Variants in TMEM178A observed in about 807,000 individuals in gnomAD.
TMEM178A encodes the protein transmembrane protein 178A.
A neutral mutation model predicts 29.1 loss-of-function variants in TMEM178A; 12 were observed. The ratio of observed to expected loss-of-function variants is 0.41; its 90% CI spans 0.26 to 0.67. The LOEUF (loss-of-function observed/expected upper bound fraction) is 0.67, where lower values mean the gene tolerates loss of function less well. Among genes scored for constraint, TMEM178A ranks in the 30% least tolerant of loss-of-function variants. TMEM178A has a pLI of 0.29. For synonymous variants in TMEM178A, 210 were observed against 187.2 expected (o/e 1.12, Z -0.99); for missense variants, 366 against 419.1 (o/e 0.87, Z 1.11).
At chr2:39,708,664 G>T (rs557768310) in intron 3 of TMEM178A, among the ~76,000 whole-genome samples, 2 of 151,780 alleles carry the variant, frequency 1.3e-5, no homozygotes, top group East Asian at 1.9e-4. Context: ...TGATCCGCCC[G>T]CCTCGGCCTC....
At chr2:39,729,200 C>T in the TMEM178A span, among the ~76,000 whole-genome samples, 1 of 151,996 alleles carries the variant, frequency 6.6e-6, no homozygotes, top group Non-Finnish European at 1.5e-5. Context: ...AGATTCACTG[C>T]CACCCCTGCC....
At chr2:39,715,972 GTC>G (rs1202969813) in intron 3 of TMEM178A, among the ~76,000 whole-genome samples, 7 of 152,298 alleles carry the variant, frequency 4.6e-5, no homozygotes, top group Non-Finnish European at 8.8e-5. Context: ...CAAAATCTGT[GTC>G]TCTGTTTCCA....
intron 1 of TMEM178A, among the ~76,000 whole-genome samples, chr2:39,680,863 G>T (rs965860823): frequency 6.6e-6 from 1 of 151,972 alleles, no homozygotes; most frequent in Non-Finnish European, 1.5e-5. Context: ...CTATAATTGT[G>T]CTTCATTTTA....
downstream of TMEM178A, among the ~76,000 whole-genome samples, chr2:39,718,749 GT>G (rs540083151): frequency 6.4e-3 from 970 of 151,966 alleles, 14 homozygotes; most frequent in African/African-American, 0.022. Context: ...CTTCCGTTGT[GT>G]TTGCTTATCT....
rs555039426 is a variant in TMEM178A, at chr2:39,700,826, T to G, written c.401-3255T>G. Among the ~76,000 whole-genome samples, 30 of 152,118 alleles carry G rather than the reference T, an allele frequency of 2.0e-4. No homozygotes were observed. The East Asian group carries it at 2.7e-3, about 14-fold the overall frequency. ...ATTCTTTTTGTTGTTATTGTTTCAT[T>G]TACTACATATTTTTTTTTTGTTATT... On this transcript the variant is annotated intron_variant, in intron 1 of 3. Transcript: ENST00000281961.
chr2:39,666,651 C>T (rs1670176664), intron 1 of TMEM178A, among the ~76,000 whole-genome samples: 2 of 152,196 alleles, frequency 1.3e-5, no homozygotes, highest in Admixed American at 1.3e-4. Context: ...TTCTTTCCTG[C>T]CTTCGCCTCC....
At chr2:39,687,186 C>T (rs1037249920) in intron 1 of TMEM178A, 6 of 163,894 alleles carry the variant, frequency 3.7e-5, no homozygotes, top group Admixed American at 6.5e-5. Flanking sequence ...TTCATGCTGT[C>T]GTCAGAACTG....
At chr2:39,693,972 T>C (rs1671433619) in intron 1 of TMEM178A, among the ~76,000 whole-genome samples, 1 of 151,566 alleles carries the variant, frequency 6.6e-6, no homozygotes, top group South Asian at 2.1e-4. Context: ...CCACCTTTTT[T>C]TTTTTTTTTA....
At chr2:39,698,712 T>G (rs1671659289) in intron 1 of TMEM178A, among the ~76,000 whole-genome samples, 1 of 149,444 alleles carries the variant, frequency 6.7e-6, no homozygotes. Context: ...TTTTTTTTTG[T>G]TTTGAAGAGT....
the TMEM178A span, among the ~76,000 whole-genome samples, chr2:39,735,853 A>G: frequency 6.6e-6 from 1 of 152,234 alleles, no homozygotes; most frequent in Non-Finnish European, 1.5e-5. Context: ...CACAAATGCC[A>G]TAGCTTGCAC....
At chr2:39,668,678 C>T (rs369602318) in intron 1 of TMEM178A, among the ~76,000 whole-genome samples, 6 of 152,276 alleles carry the variant, frequency 3.9e-5, no homozygotes, top group African/African-American at 1.2e-4. Flanking sequence ...AAAGAACAGG[C>T]ATTGGTAGAT....
downstream of TMEM178A, among the ~76,000 whole-genome samples, chr2:39,718,975 C>A (rs1672646875): frequency 6.6e-6 from 1 of 152,192 alleles, no homozygotes; most frequent in Admixed American, 6.5e-5. Context: ...AAATGATCAT[C>A]TACTCCCAAA....
chr2:39,700,133 A>C lies in TMEM178A; in HGVS notation c.401-3948A>C, dbSNP rs532623208. On this transcript the variant is annotated intron_variant, in intron 1 of 3. Coordinates refer to ENST00000281961, the MANE Select transcript of TMEM178A (RefSeq NM_152390.3). The stretch of plus-strand genomic sequence containing the variant: ...TGTGTATTTTGCTGTTGTTGGATGG[A>C]GTGTTCATAGATGTCTCTTGTATCT... Among the ~76,000 whole-genome samples the C allele has an allele frequency of 2.0e-5, 3 of 152,184 alleles. No individual in the cohort carries two copies. The East Asian group carries it at 5.8e-4, about 29-fold the overall frequency.
chr2:39,688,953 G>A (rs185703190), intron 1 of TMEM178A, among the ~76,000 whole-genome samples: 5 of 152,152 alleles, frequency 3.3e-5, no homozygotes, highest in East Asian at 1.9e-4. Flanking sequence ...CATTGTTCAC[G>A]GTATCAAATA....
intron 3 of TMEM178A, among the ~76,000 whole-genome samples, chr2:39,707,857 G>T (rs1230381583): frequency 6.6e-6 from 1 of 152,218 alleles, no homozygotes; most frequent in Non-Finnish European, 1.5e-5. Flanking sequence ...CAAAGACAGA[G>T]GGGGATAGAT....
the TMEM178A span, among the ~76,000 whole-genome samples, chr2:39,727,897 C>A: frequency 3.3e-5 from 5 of 152,128 alleles, no homozygotes; most frequent in African/African-American, 1.2e-4. Context: ...TGAACTCATC[C>A]TTTTTTATGG....
intron 1 of TMEM178A, among the ~76,000 whole-genome samples, chr2:39,700,793 G>A (rs1254529592): frequency 6.7e-6 from 1 of 149,206 alleles, no homozygotes; most frequent in Non-Finnish European, 1.5e-5. Flanking sequence ...TTCTAATATG[G>A]CTTTTTAATT....
downstream of TMEM178A, among the ~76,000 whole-genome samples, chr2:39,719,062 G>A (rs527500100): frequency 6.5e-4 from 99 of 152,254 alleles, no homozygotes; most frequent in African/African-American, 2.4e-3. Context: ...GGATGCCGGC[G>A]ACCACACCAG....
At chr2:39,701,273 A>G (rs1417441098) in intron 1 of TMEM178A, among the ~76,000 whole-genome samples, 1 of 152,050 alleles carries the variant, frequency 6.6e-6, no homozygotes, top group Admixed American at 6.6e-5. Context: ...TTAGCTGGGA[A>G]TATTTTATTT....
Sources: gnomAD v4.1 joint callset for allele counts (sites outside exome capture counted in the v4.1 genomes callset) on GRCh38, gnomAD v4.1.1 for gene constraint, MANE v1.5 for transcripts, NCBI Gene and HGNC (gene_info 2026-07-23, HGNC 2026-07-21) for gene names.